The following MNAT1 variants were observed in gnomAD, a reference collection of about 807,000 sequenced individuals.
The protein encoded by MNAT1 is MNAT1 component of CDK activating kinase.
Under a neutral mutation model 42.0 loss-of-function variants are expected in MNAT1, and 43 were observed. The observed-to-expected ratio is 1.02, with a 90% CI of 0.80 to 1.32. The LOEUF (loss-of-function observed/expected upper bound fraction) is 1.32. MNAT1 is among the 40% of genes most tolerant of loss of function. MNAT1 has a pLI of 0.00. For missense variants in MNAT1, 306 were observed against 350.4 expected, an observed-to-expected ratio of 0.87 and a Z score of 1.01; for synonymous variants, 118 against 120.0, an observed-to-expected ratio of 0.98 and a Z score of 0.11.
At chr14:60,871,768 G>A (rs1384304301) in intron 6 of MNAT1, among the ~76,000 whole-genome samples, 1 of 151,742 alleles carries the variant, frequency 6.6e-6, no homozygotes. Flanking sequence ...GATTACAGGC[G>A]CCGGCTACCA....
At chr14:60,915,722 G>T (rs1201684072) in intron 7 of MNAT1, among the ~76,000 whole-genome samples, 1 of 152,182 alleles carries the variant, frequency 6.6e-6, no homozygotes, top group African/African-American at 2.4e-5. Flanking sequence ...GATGGGTTTA[G>T]CATCAGATTT....
rs868261072 is a variant in MNAT1 at position 60,746,881 on chromosome 14, T to C, written c.89+11930T>C. Among the ~76,000 whole-genome samples, 3 of 126,640 alleles carry C rather than the reference T, an allele frequency of 2.4e-5. No individual in the cohort carries two copies. The South Asian group carries it at 8.0e-4, about 34-fold the overall frequency. The allele number at this position is 126,640 out of a possible 152,430, so 83.1% of individuals were successfully genotyped here. A position where few individuals can be genotyped will look rare whatever the true frequency, so the allele number is the denominator to read the frequency against. ...AATTCCCTTCTATACTGGGAATCCT[T>C]TTTAAAGATTCATTTCATATATATA... On this transcript the variant is annotated intron_variant, in intron 1 of 7. Coordinates refer to ENST00000261245, the MANE Select transcript of MNAT1 (RefSeq NM_002431.4).
intron 3 of MNAT1, among the ~76,000 whole-genome samples, chr14:60,801,836 T>A (rs1440350481): frequency 6.6e-6 from 1 of 152,080 alleles, no homozygotes; most frequent in Non-Finnish European, 1.5e-5. Context: ...CTATAACCTA[T>A]AGCCCTATTC....
At chr14:60,839,409 G>C (rs2033484073) in intron 6 of MNAT1, among the ~76,000 whole-genome samples, 1 of 152,172 alleles carries the variant, frequency 6.6e-6, no homozygotes, top group Non-Finnish European at 1.5e-5. Flanking sequence ...AGTCTCCTCA[G>C]AGCTGTTCTT....
chr14:60,742,294 C>T (rs1434878449), intron 1 of MNAT1, among the ~76,000 whole-genome samples: 1 of 151,942 alleles, frequency 6.6e-6, no homozygotes, highest in Non-Finnish European at 1.5e-5. Context: ...GACTGTGTTG[C>T]CCAGGCTGGT....
chr14:60,953,054 T>C (rs1362108504), intron 7 of MNAT1, among the ~76,000 whole-genome samples: 1 of 151,842 alleles, frequency 6.6e-6, no homozygotes, highest in Non-Finnish European at 1.5e-5. Context: ...GTCCAAGAAA[T>C]GGCCATTTAA....
intron 5 of MNAT1, among the ~76,000 whole-genome samples, chr14:60,813,028 A>G (rs951421349): frequency 3.3e-5 from 5 of 152,318 alleles, no homozygotes; most frequent in African/African-American, 9.6e-5. Context: ...CCAGAAGCCA[A>G]CTGAGCTGCC....
At chr14:60,738,456 A>C (rs961220417) in intron 1 of MNAT1, among the ~76,000 whole-genome samples, 2 of 151,920 alleles carry the variant, frequency 1.3e-5, no homozygotes, top group Admixed American at 1.3e-4. Flanking sequence ...GGGTTTCACT[A>C]TGTTGGCCAG....
At chr14:60,787,719 CT>C (rs758014973) in intron 1 of MNAT1, among the ~76,000 whole-genome samples, 2 of 152,174 alleles carry the variant, frequency 1.3e-5, no homozygotes, top group Non-Finnish European at 2.9e-5. Context: ...TTCACAGCAT[CT>C]TCACCAGGAG....
intron 6 of MNAT1, among the ~76,000 whole-genome samples, chr14:60,823,212 C>T (rs1192613323): frequency 6.6e-6 from 1 of 152,168 alleles, no homozygotes; most frequent in Non-Finnish European, 1.5e-5. Flanking sequence ...GGATCAAATT[C>T]TAAAACTGAA....
At chr14:60,857,913 T>G (rs1365498342) in intron 6 of MNAT1, among the ~76,000 whole-genome samples, 1 of 152,228 alleles carries the variant, frequency 6.6e-6, no homozygotes, top group East Asian at 1.9e-4. Flanking sequence ...CTCATCATTT[T>G]TTATGGCTGC....
At chr14:60,840,623 T>C (rs2139400152) in intron 6 of MNAT1, among the ~76,000 whole-genome samples, 1 of 152,254 alleles carries the variant, frequency 6.6e-6, no homozygotes, top group African/African-American at 2.4e-5. Context: ...CTAGTTACTA[T>C]AGTCAAAGAA....
intron 6 of MNAT1, among the ~76,000 whole-genome samples, chr14:60,851,119 C>T (rs1028711957): frequency 6.6e-6 from 1 of 152,066 alleles, no homozygotes; most frequent in East Asian, 1.9e-4. Context: ...AAAAGACAAA[C>T]ATTGGTCTGG....
intron 6 of MNAT1, among the ~76,000 whole-genome samples, chr14:60,833,494 A>G (rs1272852790): frequency 6.6e-6 from 1 of 152,164 alleles, no homozygotes; most frequent in Admixed American, 6.5e-5. Flanking sequence ...TGATTTGCAT[A>G]TGTTGAACCA....
At chr14:60,861,831 G>T (rs1419017526) in intron 6 of MNAT1, among the ~76,000 whole-genome samples, 1 of 152,096 alleles carries the variant, frequency 6.6e-6, no homozygotes, top group South Asian at 2.1e-4. Context: ...TAACTTAAAT[G>T]GTGTGGTAAT....
At chr14:60,906,089 A>T (rs949910561) in intron 7 of MNAT1, among the ~76,000 whole-genome samples, 2 of 152,222 alleles carry the variant, frequency 1.3e-5, no homozygotes, top group African/African-American at 4.8e-5. Context: ...TAGCAAAGAA[A>T]TGAGTCATTT....
chr14:60,746,478 G>T (rs1396040086), intron 1 of MNAT1, among the ~76,000 whole-genome samples: 1 of 150,694 alleles, frequency 6.6e-6, no homozygotes, highest in Non-Finnish European at 1.5e-5. Flanking sequence ...CCGCACCACT[G>T]CACTCCAGCT....
At chr14:60,842,438 G>A (rs575632819) in intron 6 of MNAT1, among the ~76,000 whole-genome samples, 15 of 152,284 alleles carry the variant, frequency 9.9e-5, no homozygotes, top group East Asian at 3.9e-4. Flanking sequence ...CCCCATGCAG[G>A]AAGCCAGGGC....
intron 1 of MNAT1, among the ~76,000 whole-genome samples, chr14:60,752,859 G>T (rs933633356): frequency 1.3e-5 from 2 of 152,170 alleles, no homozygotes; most frequent in Non-Finnish European, 2.9e-5. Context: ...CTGCCTCCTG[G>T]GTTGGAGCAG....
Sources: gnomAD v4.1 joint callset for allele counts (sites outside exome capture counted in the v4.1 genomes callset) on GRCh38, gnomAD v4.1.1 for gene constraint, MANE v1.5 for transcripts, NCBI Gene and HGNC (gene_info 2026-07-23, HGNC 2026-07-21) for gene names.